NCAM1: variants seen among roughly 807,000 people sequenced by gnomAD.
NCAM1 encodes the protein antigen recognized by monoclonal antibody 5.1H11.
Under a neutral mutation model 109.8 loss-of-function variants are expected in NCAM1, and 14 were observed. That is an observed-to-expected ratio of 0.13 (90% CI 0.08 to 0.20). NCAM1 has a LOEUF of 0.20. Among genes scored for constraint, NCAM1 ranks in the 10% least tolerant of loss-of-function variants. The pLI is 1.00. For synonymous variants in NCAM1, 418 were observed against 442.9 expected (o/e 0.94, Z 0.70); for missense variants, 774 against 1,109.9 (o/e 0.70, Z 4.30).
intron 1 of NCAM1, among the ~76,000 whole-genome samples, chr11:113,080,488 C>A (rs1440816884): frequency 1.3e-5 from 2 of 150,432 alleles, no homozygotes; most frequent in East Asian, 3.9e-4. Context: ...TCTTAAAGGC[C>A]TGCCTGTCAG....
At chr11:113,221,402 C>T in intron 9 of NCAM1, 77 bp downstream of exon 9, 1 of 1,427,548 alleles carries the variant, frequency 7.0e-7, no homozygotes, top group Non-Finnish European at 9.7e-7. Flanking sequence ...AGTTTAATAA[C>T]CAGACATGCT....
At chr11:113,107,422 T>C (rs1940220935) in intron 1 of NCAM1, among the ~76,000 whole-genome samples, 1 of 152,218 alleles carries the variant, frequency 6.6e-6, no homozygotes, top group Non-Finnish European at 1.5e-5. Context: ...AAAAGACTAC[T>C]ACTGGAAATG....
chr11:113,090,811 T>C (rs1939309532), intron 1 of NCAM1, among the ~76,000 whole-genome samples: 2 of 152,262 alleles, frequency 1.3e-5, no homozygotes, highest in Non-Finnish European at 2.9e-5. Context: ...TATTTCATCA[T>C]GACTGTCATT....
chr11:113,136,293 T>G (rs1334304308), intron 1 of NCAM1, among the ~76,000 whole-genome samples: 1 of 152,214 alleles, frequency 6.6e-6, no homozygotes, highest in East Asian at 1.9e-4. Context: ...CCTTGGGTTT[T>G]GGCTAGAGAT....
intron 7 of NCAM1, among the ~76,000 whole-genome samples, chr11:113,210,638 G>T (rs1335564490): frequency 6.6e-6 from 1 of 152,068 alleles, no homozygotes; most frequent in Non-Finnish European, 1.5e-5. Context: ...GGAGTAGTGA[G>T]TGCAGGGCCA....
At chr11:113,005,342 A>G (rs1426941473) in intron 1 of NCAM1, among the ~76,000 whole-genome samples, 2 of 152,168 alleles carry the variant, frequency 1.3e-5, no homozygotes, top group African/African-American at 4.8e-5. Flanking sequence ...TTACTGAATG[A>G]TGAGCTTCGT....
chr11:113,223,516 G>C (rs957794841), intron 9 of NCAM1, among the ~76,000 whole-genome samples: 1 of 151,908 alleles, frequency 6.6e-6, no homozygotes, highest in Non-Finnish European at 1.5e-5. Flanking sequence ...ACCATTTCTA[G>C]ACTATTCTGA....
intron 9 of NCAM1, among the ~76,000 whole-genome samples, chr11:113,230,272 C>T (rs929099328): frequency 6.6e-6 from 1 of 152,106 alleles, no homozygotes; most frequent in African/African-American, 2.4e-5. Flanking sequence ...AACCAGCATC[C>T]CAGATTTATA....
At chr11:113,120,012 G>A (rs115039415) in intron 1 of NCAM1, among the ~76,000 whole-genome samples, 1,974 of 152,286 alleles carry the variant, frequency 0.013, 41 homozygotes, top group African/African-American at 0.044. Flanking sequence ...TTTGCATTGA[G>A]TACTCTAGCT....
intron 1 of NCAM1, among the ~76,000 whole-genome samples, chr11:113,150,635 A>C (rs1031178173): frequency 2.6e-5 from 4 of 152,334 alleles, no homozygotes; most frequent in Middle Eastern, 3.4e-3. Context: ...ACAAACCGAC[A>C]TCAGCCAGTT....
chr11:113,172,882 T>TG (rs1208775524), intron 1 of NCAM1, among the ~76,000 whole-genome samples: 1 of 152,210 alleles, frequency 6.6e-6, no homozygotes, highest in Non-Finnish European at 1.5e-5. Flanking sequence ...AATTTGAGCC[T>TG]GGCAGCTGTG....
At chr11:113,182,731 A>C (rs559716662) in intron 1 of NCAM1, among the ~76,000 whole-genome samples, 4 of 152,206 alleles carry the variant, frequency 2.6e-5, no homozygotes, top group Non-Finnish European at 5.9e-5. Context: ...AACTTCAGCC[A>C]GCAGTGGAGA....
At chr11:112,973,768 G>A (rs1477174817) in intron 1 of NCAM1, among the ~76,000 whole-genome samples, 6 of 151,984 alleles carry the variant, frequency 3.9e-5, no homozygotes, top group Admixed American at 6.6e-5. Context: ...TACAATTCGC[G>A]TTGGATTTAA....
At chr11:113,082,133 T>G (rs1938851668) in intron 1 of NCAM1, among the ~76,000 whole-genome samples, 1 of 152,216 alleles carries the variant, frequency 6.6e-6, no homozygotes, top group African/African-American at 2.4e-5. Flanking sequence ...TGATATTGAT[T>G]ATAGGCTTGG....
intron 1 of NCAM1, among the ~76,000 whole-genome samples, chr11:113,118,562 G>A (rs1319712109): frequency 2.0e-5 from 3 of 151,834 alleles, no homozygotes; most frequent in Non-Finnish European, 4.4e-5. Context: ...TGTATTTATT[G>A]TTCACTTATT....
At chr11:113,126,526 C>T (rs1459472729) in intron 1 of NCAM1, among the ~76,000 whole-genome samples, 1 of 152,178 alleles carries the variant, frequency 6.6e-6, no homozygotes, top group African/African-American at 2.4e-5. Context: ...GCTTATCACC[C>T]TGCTCTTTTA....
chr11:113,263,445 G>A (rs1555123777), intron 17 of NCAM1: 1 of 986,000 alleles, frequency 1.0e-6, no homozygotes, highest in Non-Finnish European at 1.2e-6. Context: ...AGACCGCACT[G>A]ATTCACATGA....
At chr11:113,031,627 G>A (rs529933681) in intron 1 of NCAM1, among the ~76,000 whole-genome samples, 1 of 152,230 alleles carries the variant, frequency 6.6e-6, no homozygotes, top group South Asian at 2.1e-4. Context: ...AGGAGGTGGA[G>A]GTTGCAGTGA....
chr11:113,177,548 C>T (rs1436883107), intron 1 of NCAM1, among the ~76,000 whole-genome samples: 1 of 152,176 alleles, frequency 6.6e-6, no homozygotes, highest in Non-Finnish European at 1.5e-5. Context: ...ATTCTCCTGC[C>T]TCAGCCTCCT....
Sources: allele counts gnomAD v4.1 joint callset (sites outside exome capture counted in the v4.1 genomes callset), GRCh38; gene constraint gnomAD v4.1.1; transcripts MANE v1.5; gene names NCBI Gene and HGNC (gene_info 2026-07-23, HGNC 2026-07-21).